Variants in SH3GL1 observed in about 807,000 individuals in gnomAD.
SH3GL1 encodes endophilin-A2.
A neutral mutation model predicts 48.8 loss-of-function variants in SH3GL1; 21 were observed. The observed-to-expected ratio is 0.43, with a 90% CI of 0.30 to 0.62. The LOEUF (loss-of-function observed/expected upper bound fraction) is 0.62. Among genes scored for constraint, SH3GL1 ranks in the 20% least tolerant of loss-of-function variants. The probability of loss-of-function intolerance (pLI) is 0.11; values close to 1 mark genes in which losing one functional copy is unlikely to be tolerated. For missense variants in SH3GL1, 454 were observed against 503.0 expected (o/e 0.90, Z 0.93); for synonymous variants, 282 against 217.5 (o/e 1.30, Z -2.61).
chr19:4,400,234 C>A lies in SH3GL1; in HGVS notation c.45+90G>T. 1 of 1,428,736 alleles carries A rather than the reference C, an allele frequency of 7.0e-7. No individual in the cohort carries two copies. The highest frequency in any genetic ancestry group is 2.7e-5 in the East Asian group (1 of 36,940). 88.5% of individuals were successfully genotyped at this position (1,428,736 alleles called of 1,614,324 possible). On this transcript the variant is annotated intron_variant, in intron 1 of 9. Transcript: ENST00000269886. This position sits in a 1 kb window ranked among gnomAD's most constrained non-coding sequence, Gnocchi z 4.1. Reference sequence around the variant, plus strand: ...CGCCAACGTCCCCACCTCGGTCCCCCCGGCCCCCTCCCGGGCCAGGTCGGG... The same window carrying A: ...CGCCAACGTCCCCACCTCGGTCCCCACGGCCCCCTCCCGGGCCAGGTCGGG...
chr19:4,366,017 C>A (rs1011583333), intron 3 of SH3GL1, among the ~76,000 whole-genome samples: 2 of 152,166 alleles, frequency 1.3e-5, no homozygotes, highest in African/African-American at 4.8e-5. Flanking sequence ...TGGGTCTGCT[C>A]CTGGCAGGGC....
chr19:4,363,126 C>T (rs537499507), intron 7 of SH3GL1, among the ~76,000 whole-genome samples: 5 of 152,286 alleles, frequency 3.3e-5, no homozygotes, highest in South Asian at 2.1e-4. Context: ...GCAGCAGCAA[C>T]GTGCAGCCAG....
At chr19:4,394,766 T>C (rs1026991406) in intron 1 of SH3GL1, among the ~76,000 whole-genome samples, 10 of 152,338 alleles carry the variant, frequency 6.6e-5, no homozygotes, top group African/African-American at 2.4e-4. Flanking sequence ...GTAAGAACCC[T>C]TGGAAGTCTA....
At chr19:4,373,943 G>A (rs183106762) in intron 1 of SH3GL1, among the ~76,000 whole-genome samples, 10 of 152,376 alleles carry the variant, frequency 6.6e-5, no homozygotes, top group Non-Finnish European at 1.3e-4. Flanking sequence ...GCCAACTGTG[G>A]TGCTGGCCAT....
chr19:4,368,799 C>T (rs994613301), intron 1 of SH3GL1, among the ~76,000 whole-genome samples: 11 of 152,200 alleles, frequency 7.2e-5, no homozygotes, highest in African/African-American at 1.9e-4. Context: ...TGGCCGGGCG[C>T]GGTGACTCAT....
chr19:4,362,416 G>C, intron 8 of SH3GL1, 31 bp from the exon 9 acceptor site: 1 of 1,601,016 alleles, frequency 6.2e-7, no homozygotes. Flanking sequence ...GAGGCTGTGG[G>C]CTCAAAACGG....
intron 1 of SH3GL1, among the ~76,000 whole-genome samples, chr19:4,391,880 A>T (rs918161356): frequency 1.3e-5 from 2 of 152,164 alleles, no homozygotes. Flanking sequence ...CGCCGGCTCC[A>T]ATGCCGGCTC....
At position 4,376,936 on chromosome 19, in the gene SH3GL1, C is replaced by G. The variant is rs1212547343; in HGVS notation, c.46-9942G>C. Among the ~76,000 whole-genome samples the G allele has an allele frequency of 6.6e-6, 1 of 152,234 alleles. No individual in the cohort carries two copies. Among genetic ancestry groups the G allele is most frequent in the Non-Finnish European group, 1.5e-5 (1 of 68,044 alleles). On this transcript the variant is annotated intron_variant, in intron 1 of 9. Coordinates refer to ENST00000269886, the MANE Select transcript of SH3GL1 (RefSeq NM_003025.4). The surrounding 1 kb of genome is among the most constrained non-coding windows in gnomAD (Gnocchi z 4.3). ...GTCCTCGCCACATCCCACCCCTTGACAGCAGCTAAGCTCCGGGGGCAGCAA... is the reference window on the plus strand; with the variant it reads ...GTCCTCGCCACATCCCACCCCTTGAGAGCAGCTAAGCTCCGGGGGCAGCAA...
At chr19:4,366,686 C>T in intron 2 of SH3GL1, 113 bp from the exon 3 acceptor site, 2 of 1,050,304 alleles carry the variant, frequency 1.9e-6, no homozygotes, top group South Asian at 1.3e-5. Flanking sequence ...GACCCCCCAA[C>T]CCCCTCTCCA....
rs570050553 is a variant in SH3GL1, at chr19:4,375,550, C to A, written c.46-8556G>T. Among the ~76,000 whole-genome samples, 3 of 152,350 alleles carry A rather than the reference C, an allele frequency of 2.0e-5. No individual in the cohort carries two copies. In the South Asian group the frequency reaches 6.2e-4, roughly 32 times the overall value. ...AGCTATGTGGGACACACGCTCCCAC[C>A]CTTGCCCTTGCACAGGGTTTCATCC... On this transcript the variant is annotated intron_variant, in intron 1 of 9. Transcript: ENST00000269886.
intron 1 of SH3GL1, among the ~76,000 whole-genome samples, chr19:4,382,284 G>C (rs1397135044): frequency 8.6e-5 from 11 of 128,526 alleles, no homozygotes; most frequent in Non-Finnish European, 1.5e-4. Flanking sequence ...TTGAGACGGA[G>C]TCTCGCTCTG....
intron 1 of SH3GL1, among the ~76,000 whole-genome samples, chr19:4,371,745 C>T (rs916138051): frequency 3.9e-5 from 6 of 152,304 alleles, no homozygotes; most frequent in African/African-American, 9.6e-5. Flanking sequence ...GGTCCTCCCT[C>T]GGCTGGGGAG....
intron 1 of SH3GL1, among the ~76,000 whole-genome samples, chr19:4,386,351 G>C (rs916315700): frequency 8.5e-5 from 13 of 152,160 alleles, no homozygotes; most frequent in African/African-American, 3.1e-4. Flanking sequence ...TTAGTGCTGG[G>C]GCAAAGTCCC....
At chr19:4,397,635 A>G (rs190382123) in intron 1 of SH3GL1, among the ~76,000 whole-genome samples, 164 of 152,288 alleles carry the variant, frequency 1.1e-3, no homozygotes, top group African/African-American at 3.8e-3. Flanking sequence ...TGCTCTAACC[A>G]AGCAGGTGAA....
In SH3GL1 at chr19:4,389,817, G is replaced by C. The variant is rs187711259; in HGVS notation, c.45+10507C>G. Among the ~76,000 whole-genome samples, 6 of 152,348 alleles carry C rather than the reference G, an allele frequency of 3.9e-5. No homozygotes were observed. Among genetic ancestry groups the C allele is most frequent in the Admixed American group, 3.9e-4 (6 of 15,308 alleles). ...GGCGGCAATGGGCTCATATTCCAGT[G>C]GCAACGGCAATGGAATAATCACTCC... On this transcript the variant is annotated intron_variant, in intron 1 of 9. Coordinates refer to ENST00000269886, the MANE Select transcript of SH3GL1 (RefSeq NM_003025.4). The surrounding 1 kb of genome is among the most constrained non-coding windows in gnomAD (Gnocchi z 4.5).
chr19:4,368,277 C>A (rs929434037), intron 1 of SH3GL1, among the ~76,000 whole-genome samples: 2 of 152,208 alleles, frequency 1.3e-5, no homozygotes, highest in African/African-American at 4.8e-5. Context: ...CTGTGTGGGG[C>A]TGGGGGGTGT....
chr19:4,375,679 G>C (rs1972993874), intron 1 of SH3GL1, among the ~76,000 whole-genome samples: 3 of 152,246 alleles, frequency 2.0e-5, no homozygotes, highest in Admixed American at 2.0e-4. Flanking sequence ...TCAGCCTCAT[G>C]CATCATGCAT....
At chr19:4,385,176 C>T (rs894497642) in intron 1 of SH3GL1, among the ~76,000 whole-genome samples, 2 of 152,004 alleles carry the variant, frequency 1.3e-5, no homozygotes, top group African/African-American at 4.8e-5. Context: ...CAGTGTGGAC[C>T]GCCACACAAC....
intron 1 of SH3GL1, chr19:4,396,152 T>G (rs1973421320): frequency 6.6e-6 from 1 of 151,984 alleles, no homozygotes; most frequent in South Asian, 2.1e-4. Flanking sequence ...ATCTCAGCAC[T>G]TTGGGAGACT....
Sources: allele counts gnomAD v4.1 joint callset (sites outside exome capture counted in the v4.1 genomes callset), GRCh38; gene constraint gnomAD v4.1.1; non-coding constraint Gnocchi (gnomAD v3.1); transcripts MANE v1.5; gene names NCBI Gene and HGNC (gene_info 2026-07-23, HGNC 2026-07-21).